The following CFAP299 variants were observed in gnomAD, a reference collection of about 807,000 sequenced individuals.
The protein encoded by CFAP299 is cilia and flagella associated protein 299.
A neutral mutation model predicts 27.0 loss-of-function variants in CFAP299; 21 were observed. The ratio of observed to expected loss-of-function variants is 0.78; its 90% CI spans 0.55 to 1.12. The LOEUF is 1.12. Among genes scored for constraint, CFAP299 ranks in the 50% most tolerant of loss-of-function variants. CFAP299 has a pLI of 0.00. For missense variants in CFAP299, 310 were observed against 276.6 expected, an observed-to-expected ratio of 1.12 and a Z score of -0.86; for synonymous variants, 104 against 98.1, an observed-to-expected ratio of 1.06 and a Z score of -0.36.
rs114071513 is a variant in CFAP299, at chr4:80,887,888, G to A, written c.476+17753G>A. On this transcript the variant is annotated intron_variant, in intron 4 of 5. Coordinates refer to ENST00000358105, the MANE Select transcript of CFAP299 (RefSeq NM_152770.3). ...CTTTTTGCCTGTTTGTATATAATCCGTATTAAGTTGTCATCAGCTTAAAAT... is the reference window on the plus strand; with the variant it reads ...CTTTTTGCCTGTTTGTATATAATCCATATTAAGTTGTCATCAGCTTAAAAT... 6.3e-3 allele frequency among the ~76,000 whole-genome samples: 953 copies of A among 152,020 alleles called. 11 individuals carry two copies. Among genetic ancestry groups the A allele is most frequent in the African/African-American group, 0.022 (906 of 41,474 alleles).
chr4:80,324,676 G>A, the CFAP299 span, among the ~76,000 whole-genome samples: 2 of 152,196 alleles, frequency 1.3e-5, no homozygotes, highest in African/African-American at 4.8e-5. Context: ...GTAACTCTGA[G>A]AGAAAACCAT....
intron 2 of CFAP299, among the ~76,000 whole-genome samples, chr4:80,465,057 A>G (rs1299676648): frequency 6.6e-6 from 1 of 152,134 alleles, no homozygotes; most frequent in African/African-American, 2.4e-5. Context: ...TATAAGGATA[A>G]ATGTTATAAT....
intron 2 of CFAP299, among the ~76,000 whole-genome samples, chr4:80,400,641 T>G (rs1726104691): frequency 6.6e-6 from 1 of 152,144 alleles, no homozygotes; most frequent in Non-Finnish European, 1.5e-5. Flanking sequence ...TTAAACCCCT[T>G]TTTTCTTCCC....
At chr4:80,797,108 G>T (rs916506765) in intron 3 of CFAP299, among the ~76,000 whole-genome samples, 1 of 152,118 alleles carries the variant, frequency 6.6e-6, no homozygotes, top group Admixed American at 6.5e-5. Context: ...TCATCTCAGA[G>T]TCAGTGTCCA....
chr4:80,568,236 A>C (rs898709372), intron 2 of CFAP299, among the ~76,000 whole-genome samples: 1 of 151,652 alleles, frequency 6.6e-6, no homozygotes, highest in Non-Finnish European at 1.5e-5. Context: ...TACATTTTTT[A>C]TAATCCAGTC....
At chr4:80,806,409 T>C (rs568850305) in intron 3 of CFAP299, among the ~76,000 whole-genome samples, 103 of 152,242 alleles carry the variant, frequency 6.8e-4, no homozygotes, top group Non-Finnish European at 1.2e-3. Context: ...AGCTTGACAG[T>C]CAAATACAGA....
chr4:80,802,076 A>T (rs528469768), intron 3 of CFAP299, among the ~76,000 whole-genome samples: 10 of 152,114 alleles, frequency 6.6e-5, no homozygotes, highest in Non-Finnish European at 7.4e-5. Flanking sequence ...TAAACCTTCA[A>T]AATGAATTAG....
intron 2 of CFAP299, among the ~76,000 whole-genome samples, chr4:80,567,903 T>C (rs1182535785): frequency 6.6e-6 from 1 of 151,670 alleles, no homozygotes; most frequent in Non-Finnish European, 1.5e-5. Flanking sequence ...TTATATTATA[T>C]CCTAATACAA....
intron 4 of CFAP299, among the ~76,000 whole-genome samples, chr4:80,912,727 A>C (rs1735541298): frequency 6.6e-6 from 1 of 152,128 alleles, no homozygotes; most frequent in Non-Finnish European, 1.5e-5. Flanking sequence ...TTTCAGCCCC[A>C]TTCTGGCAGC....
intron 3 of CFAP299, among the ~76,000 whole-genome samples, chr4:80,799,849 A>T (rs1397646629): frequency 3.1e-5 from 1 of 32,330 alleles, no homozygotes; most frequent in African/African-American, 1.5e-4. Flanking sequence ...ATATTATATA[A>T]TATATAAATA....
intron 3 of CFAP299, among the ~76,000 whole-genome samples, chr4:80,610,079 A>G (rs1438592056): frequency 1.3e-5 from 2 of 151,684 alleles, no homozygotes; most frequent in East Asian, 3.8e-4. Flanking sequence ...TTGCTTACTT[A>G]TTTTATTTTT....
intron 2 of CFAP299, among the ~76,000 whole-genome samples, chr4:80,526,680 G>T (rs1733195299): frequency 6.6e-6 from 1 of 151,850 alleles, no homozygotes; most frequent in Admixed American, 6.6e-5. Flanking sequence ...AGTGTGTAAG[G>T]TTACTCTGTC....
intron 3 of CFAP299, among the ~76,000 whole-genome samples, chr4:80,791,187 A>T (rs1436273739): frequency 6.6e-6 from 1 of 152,046 alleles, no homozygotes; most frequent in Non-Finnish European, 1.5e-5. Flanking sequence ...ATGTTACTTA[A>T]CAAGTCTCCT....
At chr4:80,854,536 G>T (rs1357155362) in intron 3 of CFAP299, among the ~76,000 whole-genome samples, 1 of 151,892 alleles carries the variant, frequency 6.6e-6, no homozygotes, top group Non-Finnish European at 1.5e-5. Flanking sequence ...CAGAAGCATG[G>T]ATATCCCAGC....
At chr4:80,842,539 T>C (rs1454437323) in intron 3 of CFAP299, among the ~76,000 whole-genome samples, 1 of 152,116 alleles carries the variant, frequency 6.6e-6, no homozygotes, top group Non-Finnish European at 1.5e-5. Context: ...ATTGTGAATG[T>C]AAAATGTAAT....
chr4:80,878,369 C>G (rs1225820581), intron 4 of CFAP299, among the ~76,000 whole-genome samples: 1 of 151,990 alleles, frequency 6.6e-6, no homozygotes, highest in Admixed American at 6.6e-5. Context: ...GGAGATAACT[C>G]TAAAGGCTTC....
At chr4:80,910,643 A>C (rs1459917362) in intron 4 of CFAP299, among the ~76,000 whole-genome samples, 2 of 152,144 alleles carry the variant, frequency 1.3e-5, no homozygotes, top group Non-Finnish European at 2.9e-5. Flanking sequence ...GGACACAAAG[A>C]GGACAACAAT....
chr4:80,561,287 C>G (rs1735024726), intron 2 of CFAP299, among the ~76,000 whole-genome samples: 1 of 152,164 alleles, frequency 6.6e-6, no homozygotes, highest in East Asian at 1.9e-4. Context: ...GCAGATACAC[C>G]TTAGATCACA....
At chr4:80,713,439 T>C (rs1722291639) in intron 3 of CFAP299, among the ~76,000 whole-genome samples, 1 of 152,174 alleles carries the variant, frequency 6.6e-6, no homozygotes, top group Non-Finnish European at 1.5e-5. Context: ...TATTCCATCA[T>C]ATTCCATAGA....
Sources: gnomAD v4.1 joint callset for allele counts (sites outside exome capture counted in the v4.1 genomes callset) on GRCh38, gnomAD v4.1.1 for gene constraint, MANE v1.5 for transcripts, NCBI Gene and HGNC (gene_info 2026-07-23, HGNC 2026-07-21) for gene names.